The following SPAG9 variants were observed in gnomAD, a reference collection of about 807,000 sequenced individuals.
The protein encoded by SPAG9 is C-Jun-amino-terminal kinase-interacting protein 4.
A neutral mutation model predicts 166.5 loss-of-function variants in SPAG9; 35 were observed. The ratio of observed to expected loss-of-function variants is 0.21; its 90% CI spans 0.16 to 0.28. The LOEUF is 0.28. Ranked by LOEUF, SPAG9 falls within the 10% of genes least tolerant of loss-of-function variation. The pLI is 1.00. For missense variants in SPAG9, 1,235 were observed against 1,603.3 expected (o/e 0.77, Z 3.92); for synonymous variants, 534 against 565.5 (o/e 0.94, Z 0.79).
intron 1 of SPAG9, among the ~76,000 whole-genome samples, chr17:51,108,827 ATTTATT>A (rs1202149118): frequency 6.6e-6 from 1 of 151,570 alleles, no homozygotes; most frequent in Non-Finnish European, 1.5e-5. Context: ...AATTTTATTT[ATTTATT>A]TTTATTTTTT....
At chr17:51,118,149 GAGAAA>G (rs1222652257) in intron 1 of SPAG9, among the ~76,000 whole-genome samples, 3 of 148,694 alleles carry the variant, frequency 2.0e-5, no homozygotes, top group African/African-American at 7.5e-5. Flanking sequence ...AAAAAAAAAA[GAGAAA>G]AGAAAACTGA....
intron 6 of SPAG9, among the ~76,000 whole-genome samples, chr17:51,025,621 C>T (rs146730797): frequency 3.3e-5 from 5 of 151,702 alleles, no homozygotes; most frequent in African/African-American, 7.3e-5. Flanking sequence ...TGGACACGGT[C>T]GGCTCATGCC....
At position 50,998,956 on chromosome 17, in the gene SPAG9, G is replaced by A. The variant is rs145295281; in HGVS notation, c.1665-339C>T. Reference sequence around the variant, plus strand: ...TTTGCTAGCTCCTACTTGGTGCAAGGTAAGAGCGATTGTTAAACCGCAAGG... The same window carrying A: ...TTTGCTAGCTCCTACTTGGTGCAAGATAAGAGCGATTGTTAAACCGCAAGG... On this transcript the variant is annotated intron_variant, in intron 14 of 29. Coordinates refer to ENST00000262013, the MANE Select transcript of SPAG9 (RefSeq NM_001130528.3). Among the ~76,000 whole-genome samples, 420 of 152,284 alleles carry A rather than the reference G, an allele frequency of 2.8e-3. 4 individuals are homozygous for A. Among genetic ancestry groups the A allele is most frequent in the African/African-American group, 9.8e-3 (408 of 41,556 alleles).
chr17:51,068,746 C>T (rs2047740778), intron 2 of SPAG9, among the ~76,000 whole-genome samples: 1 of 152,168 alleles, frequency 6.6e-6, no homozygotes, highest in Admixed American at 6.5e-5. Flanking sequence ...TCCCTGTTCT[C>T]TAAGCAAATC....
chr17:51,001,959 G>C (rs748151481), intron 12 of SPAG9, 114 bp from the exon 13 acceptor site: 14 of 914,146 alleles, frequency 1.5e-5, no homozygotes, highest in South Asian at 6.3e-5. Flanking sequence ...TTTTAATCTA[G>C]TAGATCATTT....
chr17:51,014,106 T>C (rs1347110418), intron 9 of SPAG9, 126 bp downstream of exon 9: 17 of 703,812 alleles, frequency 2.4e-5, no homozygotes, highest in East Asian at 1.2e-4. Context: ...TCCCAATAAT[T>C]ACCTAAAAGG....
In SPAG9 at chr17:51,037,665, TTATA is replaced by T. The variant is rs59365716; in HGVS notation, c.741+3832_741+3835del. ...AATAAAATAAGTAAATATATGTGTT[TTATA>T]TATATATATATATATAGTGTGTGTG... On this transcript the variant is annotated intron_variant, in intron 5 of 29. Transcript: ENST00000262013. 1.9e-3 allele frequency among the ~76,000 whole-genome samples: 174 copies of T among 92,932 alleles called. 8 individuals carry two copies. The East Asian group carries it at 0.022, about 12-fold the overall frequency. 61.0% of individuals were successfully genotyped at this position (92,932 alleles called of 152,430 possible).
intron 25 of SPAG9, among the ~76,000 whole-genome samples, chr17:50,980,346 A>G (rs765536173): frequency 1.8e-4 from 28 of 151,920 alleles, no homozygotes; most frequent in Non-Finnish European, 3.5e-4. Context: ...GCGGGATTAT[A>G]GGCGCACACC....
intron 22 of SPAG9, among the ~76,000 whole-genome samples, chr17:50,986,625 A>G (rs1176418729): frequency 6.6e-6 from 1 of 152,212 alleles, no homozygotes; most frequent in African/African-American, 2.4e-5. Flanking sequence ...ACACAACCGG[A>G]AAGTGAACAA....
chr17:50,990,830 G>T (rs1975482338), intron 19 of SPAG9, 162 bp from the exon 20 acceptor site: 1 of 588,306 alleles, frequency 1.7e-6, no homozygotes. Context: ...TCACAATATG[G>T]GAAGGTAACT....
chr17:51,065,350 CAG>C (rs1284229533), intron 2 of SPAG9, among the ~76,000 whole-genome samples: 4 of 152,080 alleles, frequency 2.6e-5, no homozygotes, highest in Admixed American at 6.6e-5. Flanking sequence ...CAATTTTAAA[CAG>C]AGTCATTTGA....
intron 1 of SPAG9, among the ~76,000 whole-genome samples, chr17:51,099,789 A>C (rs1451113939): frequency 4.8e-5 from 7 of 144,940 alleles, no homozygotes; most frequent in Admixed American, 6.8e-5. Context: ...AAAAAAAAAA[A>C]CTAGAAATTG....
intron 6 of SPAG9, among the ~76,000 whole-genome samples, chr17:51,028,861 A>C (rs575414776): frequency 6.6e-6 from 1 of 152,346 alleles, no homozygotes; most frequent in East Asian, 1.9e-4. Flanking sequence ...ATTAGACTTT[A>C]CAGGTCACTT....
At chr17:51,116,039 CT>C (rs568509028) in intron 1 of SPAG9, among the ~76,000 whole-genome samples, 4 of 142,504 alleles carry the variant, frequency 2.8e-5, no homozygotes, top group Admixed American at 6.8e-5. Context: ...TCAGAAGTTT[CT>C]TTTTTTTTTC....
At position 51,115,753 on chromosome 17, in the gene SPAG9, C is replaced by T. The variant is rs144729703; in HGVS notation, c.303+4601G>A. ...GCTGAGGCAGGAGAACTGTTTGAAC[C>T]CAGGAGGCGAAGGTTGCAGTGAGCC... On this transcript the variant is annotated intron_variant, in intron 1 of 29. Transcript: ENST00000262013. Among the ~76,000 whole-genome samples the T allele has an allele frequency of 7.2e-3, 1,094 of 151,960 alleles. 15 individuals carry two copies. The highest frequency in any genetic ancestry group is 0.024 in the African/African-American group (1,008 of 41,444).
intron 1 of SPAG9, among the ~76,000 whole-genome samples, chr17:51,095,853 T>C (rs920752170): frequency 2.8e-5 from 4 of 145,010 alleles, no homozygotes; most frequent in African/African-American, 7.6e-5. Context: ...GTGATATATA[T>C]AGTGATATAT....
intron 2 of SPAG9, among the ~76,000 whole-genome samples, chr17:51,075,502 G>A (rs2047945042): frequency 6.6e-6 from 1 of 152,120 alleles, no homozygotes; most frequent in African/African-American, 2.4e-5. Flanking sequence ...ACAAAAGGAT[G>A]TTAGACAAGG....
chr17:51,024,209 G>A (rs965690225), intron 6 of SPAG9, among the ~76,000 whole-genome samples: 1 of 152,022 alleles, frequency 6.6e-6, no homozygotes, highest in Admixed American at 6.6e-5. Flanking sequence ...GCAGTGAGCT[G>A]AGATCGCACC....
At chr17:50,973,264 G>C (rs866289221) in intron 28 of SPAG9, among the ~76,000 whole-genome samples, 1 of 152,114 alleles carries the variant, frequency 6.6e-6, no homozygotes. Context: ...AGGGGCAAGA[G>C]GATTTGCATC....
Sources: gnomAD v4.1 joint callset for allele counts (sites outside exome capture counted in the v4.1 genomes callset) on GRCh38, gnomAD v4.1.1 for gene constraint, MANE v1.5 for transcripts, NCBI Gene and HGNC (gene_info 2026-07-23, HGNC 2026-07-21) for gene names.